Variants in MMP10 observed in about 807,000 individuals in gnomAD.
The protein encoded by MMP10 is stromelysin-2.
Under a neutral mutation model 49.1 loss-of-function variants are expected in MMP10, and 50 were observed. That is an observed-to-expected ratio of 1.02 (90% CI 0.81 to 1.29). The LOEUF (loss-of-function observed/expected upper bound fraction) is 1.29, where lower values mean the gene tolerates loss of function less well. Ranked by LOEUF, MMP10 falls within the 50% of genes most tolerant of loss-of-function variation. The pLI is 0.00. For synonymous variants in MMP10, 229 were observed against 201.6 expected (o/e 1.14, Z -1.15); for missense variants, 613 against 563.8 (o/e 1.09, Z -0.88).
At chr11:102,776,826 A>T (rs1432671413) in intron 4 of MMP10, 50 bp from the exon 5 acceptor site, 1 of 1,607,572 alleles carries the variant, frequency 6.2e-7, no homozygotes, top group Non-Finnish European at 8.5e-7. Flanking sequence ...TTCTTCCATA[A>T]ATACACATAC....
chr11:102,771,910 CA>C lies in MMP10; in HGVS notation c.1330+101del, dbSNP rs1861979608. The C allele has an allele frequency of 6.6e-6, 5 of 760,044 alleles. No individual in the cohort carries two copies. The East Asian group carries it at 1.3e-4, about 20-fold the overall frequency. The allele number at this position is 760,044 out of a possible 1,614,324, so 47.1% of individuals were successfully genotyped here. A position where few individuals can be genotyped will look rare whatever the true frequency, so the allele number is the denominator to read the frequency against. On this transcript the variant is annotated intron_variant, in intron 9 of 9. Transcript: ENST00000279441. ...CAGGAATTTGGAGTAAAAAAGATAT[CA>C]GACTGAATGATTTAAAAACTGTTTT...
At chr11:102,780,368 C>T in intron 1 of MMP10, 119 bp downstream of exon 1, 2 of 763,162 alleles carry the variant, frequency 2.6e-6, no homozygotes, top group South Asian at 1.7e-5. Flanking sequence ...TAATTATTCT[C>T]TGATGCTACA....
Position 102,776,753 on chromosome 11 carries a change from C to T in MMP10, c.646G>A (p.Ala216Thr). Reference protein sequence around the residue: ...ASGTNLFLVAAHELGHSLGLF... With the variant: ...ASGTNLFLVATHELGHSLGLF... ...CCCAGGGAGTGGCCAAGTTCATGAGCAGCAACGAGGAATAAATTGGTGCCT... is the reference window on the plus strand; with the variant it reads ...CCCAGGGAGTGGCCAAGTTCATGAGTAGCAACGAGGAATAAATTGGTGCCT... The change falls in exon 5 of 10, where the codon GCT (alanine) becomes ACT (threonine). Residue 216 changes from alanine (A) to threonine (T), a missense_variant. Ala to Thr is a moderately conservative substitution (Grantham distance 58, BLOSUM62 0). Coordinates refer to ENST00000279441, the MANE Select transcript of MMP10 (RefSeq NM_002425.3). 1 of 1,613,842 alleles carries T rather than the reference C, an allele frequency of 6.2e-7. No homozygotes were observed. Among genetic ancestry groups the T allele is most frequent in the Non-Finnish European group, 8.5e-7 (1 of 1,179,916 alleles).
In MMP10 at chr11:102,780,571, A is replaced by G. The variant is rs1389635676; in HGVS notation, c.21T>C (p.Leu7=). Residue 7 remains leucine (L), a synonymous_variant, in exon 1 of 10, where the codon CTT becomes CTC. Coordinates refer to ENST00000279441, the MANE Select transcript of MMP10 (RefSeq NM_002425.3). ...AGCAGACTGGCAGACACAACAGCAC[A>G]AGGAATGCAAGATGCATCATTCTCA... MMHLAF[L]VLLCLPVCSA... The G allele has an allele frequency of 3.1e-6, 5 of 1,613,900 alleles. No homozygotes were observed. Among genetic ancestry groups the G allele is most frequent in the Non-Finnish European group, 4.2e-6 (5 of 1,179,914 alleles).
At position 102,770,901 on chromosome 11, in the gene MMP10, T is replaced by C. The variant is rs372581402; in HGVS notation, c.1331-8A>G. ...TGAAGAAGTAGAAAAATCCTGTAAA[T>C]ATAGATAAGGAAAATGATGAGACAT... On this transcript the variant is annotated splice_polypyrimidine_tract_variant and splice_region_variant and intron_variant, in intron 9 of 9. Transcript: ENST00000279441. The C allele has an allele frequency of 6.8e-5, 107 of 1,570,874 alleles. No homozygotes were observed. In the African/African-American group the frequency reaches 9.7e-4, roughly 14 times the overall value.
intron 7 of MMP10, 141 bp from the exon 8 acceptor site, chr11:102,773,147 A>G (rs1591702842): frequency 1.6e-6 from 1 of 616,884 alleles, no homozygotes; most frequent in East Asian, 3.0e-5. Context: ...TCCTTAATAA[A>G]TACTCCCTGA....
Position 102,778,706 on chromosome 11 carries a change from C to G in MMP10, c.540G>C (p.Leu180Phe). ...FYSFDGPGHS[L>F]AHAYPPGPGL... Reference sequence around the variant, plus strand: ...CAGGTCCAGGTGGGTAGGCATGAGCCAAACTGTGTCCTGGGCCATCAAAAG... The same window carrying G: ...CAGGTCCAGGTGGGTAGGCATGAGCGAAACTGTGTCCTGGGCCATCAAAAG... The change falls in exon 4 of 10, where the codon TTG becomes TTC. Residue 180 changes from leucine (L) to phenylalanine (F), a missense_variant. Physicochemically the swap from Leu to Phe is conservative, Grantham distance 22 (BLOSUM62 0). Transcript: ENST00000279441. 4 of 1,613,984 alleles carry G rather than the reference C, an allele frequency of 2.5e-6. No individual in the cohort carries two copies. Among genetic ancestry groups the G allele is most frequent in the Non-Finnish European group, 3.4e-6 (4 of 1,179,968 alleles).
At position 102,772,729 on chromosome 11, in the gene MMP10, A is replaced by G. The variant is rs1242260992; in HGVS notation, c.1226+118T>C. 9.4e-7 allele frequency: 1 copy of G among 1,065,592 alleles called. No homozygotes were observed. The highest frequency in any genetic ancestry group is 1.3e-6 in the Non-Finnish European group (1 of 742,392). The allele number at this position is 1,065,592 out of a possible 1,614,324, so 66.0% of individuals were successfully genotyped here. On this transcript the variant is annotated intron_variant, in intron 8 of 9. Transcript: ENST00000279441. This position sits in a 1 kb window ranked among gnomAD's most constrained non-coding sequence, Gnocchi z 4.4. ...ACAATAAGCTGTCTTCCTCATAATC[A>G]TAAATTTTGAAGTTAGAGAAAGTTA...
Position 102,772,873 on chromosome 11 carries a change from G to C in MMP10, c.1200C>G (p.Tyr400Ter), listed in dbSNP as rs147267769. 5.0e-6 allele frequency: 8 copies of C among 1,612,964 alleles called. No individual in the cohort carries two copies. The highest frequency in any genetic ancestry group is 1.3e-5 in the African/African-American group (1 of 74,850). ...AVSDKEKKKTYFFAADKYWRF... is the reference protein window; with the variant it reads ...AVSDKEKKKT ...TCCAGTATTTGTCCGCTGCAAAGAA[G>C]TATGTTTTCTTCTTTTCCTTGTCAG... Residue 400 changes from tyrosine to a stop codon, truncating the protein, a stop_gained, in exon 8 of 10, where the codon TAC (tyrosine) becomes TAG (stop). Coordinates refer to ENST00000279441, the MANE Select transcript of MMP10 (RefSeq NM_002425.3). LOFTEE classifies it high-confidence loss of function. The surrounding 1 kb of genome is among the most constrained non-coding windows in gnomAD (Gnocchi z 4.4).
Position 102,776,398 on chromosome 11 carries a change from G to T in MMP10, c.814C>A (p.Pro272Thr), listed in dbSNP as rs1004606148. 1 of 1,613,912 alleles carries T rather than the reference G, an allele frequency of 6.2e-7. No homozygotes were observed. Among genetic ancestry groups the T allele is most frequent in the South Asian group, 1.1e-5 (1 of 91,062 alleles). Residue 272 changes from proline to threonine, a missense_variant, in exon 6 of 10, where the codon CCC (proline) becomes ACC (threonine). Transcript: ENST00000279441. ...GGAACAGATTTTGTGGGCACCAGGG[G>T]TTCCTCAGTAGAGGCAGGGGGAGGT... ...YGPPPASTEE[P>T]LVPTKSVPSG...
chr11:102,778,589 A>T (rs1857778308), intron 4 of MMP10, 35 bp downstream of exon 4: 1 of 1,609,684 alleles, frequency 6.2e-7, no homozygotes, highest in Non-Finnish European at 8.5e-7. Flanking sequence ...ATTGGACATT[A>T]TTCCTGAAAT....
Position 102,775,313 on chromosome 11 carries a change from CA to C in MMP10, c.940del (p.Trp314GlyfsTer14). 1.2e-6 allele frequency: 2 copies of C among 1,603,330 alleles called. No individual in the cohort carries two copies. Among genetic ancestry groups the C allele is most frequent in the Non-Finnish European group, 8.5e-7 (1 of 1,175,052 alleles). On this transcript the variant is annotated frameshift_variant, in exon 7 of 10. Coordinates refer to ENST00000279441, the MANE Select transcript of MMP10 (RefSeq NM_002425.3). LOFTEE classifies it high-confidence loss of function. The part of the protein sequence containing the change: ...EYLFFKDRYF[W>X]RRSHWNPEPE... Reference sequence around the variant, plus strand: ...TTCAGGGTTCCAGTGGGATCTTCGCCAAAAATATCTGTAATACATAAAATTA... The same window carrying C: ...TTCAGGGTTCCAGTGGGATCTTCGCCAAAATATCTGTAATACATAAAATTA...
chr11:102,776,592 ATTT>A lies in MMP10; in HGVS notation c.787+17_787+19del, dbSNP rs1174854077. The A allele has an allele frequency of 6.2e-7, 1 of 1,601,890 alleles. No individual in the cohort carries two copies. Among genetic ancestry groups the A allele is most frequent in the African/African-American group, 1.4e-5 (1 of 74,010 alleles). ...TGTCATTGTAGATCTGCAATGCCTA[ATTT>A]TTCCAGCATCACTCACCGTAGAGAG... On this transcript the variant is annotated intron_variant, in intron 5 of 9. Coordinates refer to ENST00000279441, the MANE Select transcript of MMP10 (RefSeq NM_002425.3).
At position 102,772,642 on chromosome 11, in the gene MMP10, AG is replaced by A. The variant is rs1861986227; in HGVS notation, c.1226+204del. On this transcript the variant is annotated intron_variant, in intron 8 of 9. Transcript: ENST00000279441. This position sits in a 1 kb window ranked among gnomAD's most constrained non-coding sequence, Gnocchi z 4.4. ...CAGCTGGCCTCTCCTGATGTCTTTTAGTGTCTGAGTATATGGCCCAGTGATC... is the reference window on the plus strand; with the variant it reads ...CAGCTGGCCTCTCCTGATGTCTTTTATGTCTGAGTATATGGCCCAGTGATC... 6.6e-6 allele frequency among the ~76,000 whole-genome samples: 1 copy of A among 152,104 alleles called. No individual in the cohort carries two copies. Among genetic ancestry groups the A allele is most frequent in the East Asian group, 1.9e-4 (1 of 5,190 alleles).
chr11:102,773,221 GTC>G (rs1861992016), intron 7 of MMP10, among the ~76,000 whole-genome samples: 1 of 152,018 alleles, frequency 6.6e-6, no homozygotes, highest in Non-Finnish European at 1.5e-5. Flanking sequence ...CCCTTTCTGT[GTC>G]TTATATATTT....
Position 102,779,270 on chromosome 11 carries a change from T to G in MMP10, c.439A>C (p.Thr147Pro), listed in dbSNP as rs565969140. 1 of 1,614,068 alleles carries G rather than the reference T, an allele frequency of 6.2e-7. No homozygotes were observed. The highest frequency in any genetic ancestry group is 2.2e-5 in the East Asian group (1 of 44,882). Residue 147 changes from threonine (T) to proline (P), a missense_variant, in exon 3 of 10, where the codon ACA becomes CCA. Physicochemically the swap from Thr to Pro is conservative, Grantham distance 38 (BLOSUM62 -1). Transcript: ENST00000279441. The part of the protein sequence containing the change: ...LKVWEEVTPL[T>P]FSRLYEGEAD... Reference sequence around the variant, plus strand: ...TCTCCTTCATACAGCCTGGAGAATGTGAGTGGAGTCACCTCTTCCCAGACT... The same window carrying G: ...TCTCCTTCATACAGCCTGGAGAATGGGAGTGGAGTCACCTCTTCCCAGACT...
chr11:102,780,065 C>T (rs1173153641), intron 1 of MMP10, among the ~76,000 whole-genome samples: 1 of 152,026 alleles, frequency 6.6e-6, no homozygotes, highest in Admixed American at 6.6e-5. Context: ...TATTATAGAC[C>T]TGGTTTAAGA....
rs116408122 is a variant in MMP10 at position 102,778,190 on chromosome 11, T to C, written c.622+434A>G. On this transcript the variant is annotated intron_variant, in intron 4 of 9. Coordinates refer to ENST00000279441, the MANE Select transcript of MMP10 (RefSeq NM_002425.3). ...GACCTAACAGTTTTTTTTCAGTTCC[T>C]GGCATTTTCTCCTGATCTCTACTTT... Among the ~76,000 whole-genome samples, 561 of 152,308 alleles carry C rather than the reference T, an allele frequency of 3.7e-3. 1 individual carries two copies. Among genetic ancestry groups the C allele is most frequent in the African/African-American group, 0.012 (516 of 41,558 alleles).
intron 4 of MMP10, among the ~76,000 whole-genome samples, chr11:102,777,241 GTTATT>G (rs1323820818): frequency 1.3e-5 from 2 of 152,040 alleles, no homozygotes; most frequent in Non-Finnish European, 2.9e-5. Context: ...GAAGACTGTG[GTTATT>G]TCTTGTGGGG....
Sources: allele counts gnomAD v4.1 joint callset (sites outside exome capture counted in the v4.1 genomes callset), GRCh38; gene constraint gnomAD v4.1.1; non-coding constraint Gnocchi (gnomAD v3.1); transcripts MANE v1.5; gene names NCBI Gene and HGNC (gene_info 2026-07-23, HGNC 2026-07-21).